BCKDHB: variants seen among roughly 807,000 people sequenced by gnomAD.
BCKDHB encodes the protein 2-oxoisovalerate dehydrogenase subunit beta, mitochondrial.
Under a neutral mutation model 48.5 loss-of-function variants are expected in BCKDHB, and 41 were observed. That is an observed-to-expected ratio of 0.85 (90% confidence interval 0.66 to 1.10). BCKDHB has a LOEUF of 1.10. Among genes scored for constraint, BCKDHB ranks in the 50% least tolerant of loss-of-function variants. The pLI, the probability that BCKDHB is intolerant of heterozygous loss-of-function variation, is 0.00. For missense variants in BCKDHB, 496 were observed against 494.2 expected (o/e 1.00, Z -0.03); for synonymous variants, 201 against 174.8 (o/e 1.15, Z -1.18).
the BCKDHB span, among the ~76,000 whole-genome samples, chr6:80,369,794 A>G: frequency 6.6e-6 from 1 of 152,240 alleles, no homozygotes; most frequent in Non-Finnish European, 1.5e-5. Context: ...TGGAAAGCCA[A>G]CTTAGAACCC....
intron 8 of BCKDHB, among the ~76,000 whole-genome samples, chr6:80,235,791 T>G (rs535304998): frequency 5.3e-5 from 8 of 152,320 alleles, no homozygotes; most frequent in African/African-American, 1.9e-4. Flanking sequence ...TTTGTCATCT[T>G]TGAGTTTTAT....
At chr6:80,126,509 A>G (rs983033668) in intron 1 of BCKDHB, among the ~76,000 whole-genome samples, 3 of 152,110 alleles carry the variant, frequency 2.0e-5, no homozygotes, top group African/African-American at 7.2e-5. Flanking sequence ...AATAGCATGG[A>G]GGTTAGGTGG....
At chr6:80,133,802 C>T (rs757175396) in intron 3 of BCKDHB, among the ~76,000 whole-genome samples, 1 of 152,060 alleles carries the variant, frequency 6.6e-6, no homozygotes, top group Non-Finnish European at 1.5e-5. Flanking sequence ...ACCACCACAC[C>T]TGGCTAATTT....
intron 8 of BCKDHB, among the ~76,000 whole-genome samples, chr6:80,218,300 A>G (rs1233732661): frequency 6.6e-6 from 1 of 152,064 alleles, no homozygotes; most frequent in African/African-American, 2.4e-5. Context: ...TAGTTTTTTT[A>G]TATTCTACCT....
chr6:80,343,913 A>G lies in BCKDHB; in HGVS notation c.*109A>G. ...AGTGTTTTGATGGTAACAAACTTTGATGGTAAAGTTGGTAAAAGGCAACTT... is the reference window on the plus strand; with the variant it reads ...AGTGTTTTGATGGTAACAAACTTTGGTGGTAAAGTTGGTAAAAGGCAACTT... On this transcript the variant is annotated 3_prime_UTR_variant, in exon 10 of 10. Coordinates refer to ENST00000320393, the MANE Select transcript of BCKDHB (RefSeq NM_183050.4). 1 of 1,446,842 alleles carries G rather than the reference A, an allele frequency of 6.9e-7. No individual in the cohort carries two copies. The highest frequency in any genetic ancestry group is 9.7e-7 in the Non-Finnish European group (1 of 1,032,892). The allele number at this position is 1,446,842 out of a possible 1,614,324, so 89.6% of individuals were successfully genotyped here. A position where few individuals can be genotyped will look rare whatever the true frequency, so the allele number is the denominator to read the frequency against.
chr6:80,428,862 G>A, the BCKDHB span, among the ~76,000 whole-genome samples: 3 of 152,284 alleles, frequency 2.0e-5, 1 homozygote, highest in African/African-American at 7.2e-5. Flanking sequence ...CTGTGCAGAA[G>A]CTCATTAGTT....
At chr6:80,168,549 G>C in intron 4 of BCKDHB, among the ~76,000 whole-genome samples, 1 of 139,662 alleles carries the variant, frequency 7.2e-6, no homozygotes, top group African/African-American at 2.8e-5. Context: ...AAGGAAGGGA[G>C]GGAGGGAGGA....
At chr6:80,273,365 AT>A (rs931831898) in intron 9 of BCKDHB, 144 bp downstream of exon 9, 17 of 643,750 alleles carry the variant, frequency 2.6e-5, no homozygotes, top group African/African-American at 3.7e-5. Context: ...TGATAAGTAA[AT>A]TTTTTTTCAT....
At chr6:80,259,306 A>T (rs1490395483) in intron 8 of BCKDHB, among the ~76,000 whole-genome samples, 1 of 152,204 alleles carries the variant, frequency 6.6e-6, no homozygotes, top group Non-Finnish European at 1.5e-5. Context: ...AGTGTCACTG[A>T]TGCAGTCAGT....
the BCKDHB span, among the ~76,000 whole-genome samples, chr6:80,363,472 T>C: frequency 2.6e-5 from 4 of 152,236 alleles, no homozygotes; most frequent in African/African-American, 9.6e-5. Context: ...TGTCAAAGTC[T>C]GAAATCCTAT....
chr6:80,435,799 C>T, the BCKDHB span, among the ~76,000 whole-genome samples: 4 of 152,042 alleles, frequency 2.6e-5, no homozygotes, highest in Admixed American at 6.5e-5. Flanking sequence ...TTTGGAAGGC[C>T]GAGGTGGGTG....
rs1185478827 is a variant in BCKDHB at position 80,344,509 on chromosome 6, C to T, written c.*705C>T. 1 of 152,404 alleles carries T rather than the reference C, an allele frequency of 6.6e-6. No homozygotes were observed. The highest frequency in any genetic ancestry group is 1.5e-5 in the Non-Finnish European group (1 of 68,412). 9.4% of individuals were successfully genotyped at this position (152,404 alleles called of 1,614,324 possible). ...TACAGGTGTGCACCAACATGCCCAG[C>T]TAATTTTTTATATTTTTAGTAGAGA... is the stretch of plus-strand genomic sequence containing the variant. On this transcript the variant is annotated 3_prime_UTR_variant, in exon 10 of 10. Coordinates refer to ENST00000320393, the MANE Select transcript of BCKDHB (RefSeq NM_183050.4).
Position 80,332,687 on chromosome 6 carries a change from A to AT in BCKDHB, c.1039-10969dup, listed in dbSNP as rs1480833955. 4.3e-4 allele frequency among the ~76,000 whole-genome samples: 58 copies of AT among 134,670 alleles called. 1 individual carries two copies. Among genetic ancestry groups the AT allele is most frequent in the Non-Finnish European group, 1.4e-4 (9 of 63,836 alleles). 88.3% of individuals were successfully genotyped at this position (134,670 alleles called of 152,430 possible). A position where few individuals can be genotyped will look rare whatever the true frequency, so the allele number is the denominator to read the frequency against. On this transcript the variant is annotated intron_variant, in intron 9 of 9. Transcript: ENST00000320393. ...AATTTATTGATGAAGCACTCTGATG[A>AT]TTTTTTTTACCCTTATAGTAAAAAA...
At chr6:80,268,036 T>A (rs1192159032) in intron 8 of BCKDHB, among the ~76,000 whole-genome samples, 1 of 152,078 alleles carries the variant, frequency 6.6e-6, no homozygotes, top group Non-Finnish European at 1.5e-5. Flanking sequence ...CAGGACTGTT[T>A]TTTTGTTGTT....
the BCKDHB span, among the ~76,000 whole-genome samples, chr6:80,399,820 C>T: frequency 2.0e-5 from 3 of 151,428 alleles, no homozygotes; most frequent in Non-Finnish European, 4.4e-5. Flanking sequence ...AAGCTGGAGG[C>T]ATCATGCAAC....
chr6:80,226,620 C>T (rs1775689387), intron 8 of BCKDHB, among the ~76,000 whole-genome samples: 1 of 152,198 alleles, frequency 6.6e-6, no homozygotes. Flanking sequence ...CCAATTGTGT[C>T]TCTAAATTCA....
the BCKDHB span, chr6:80,374,671 G>A: frequency 2.3e-6 from 1 of 428,666 alleles, no homozygotes; most frequent in African/African-American, 2.0e-5. Flanking sequence ...GAGATTTGAG[G>A]TACTATTCTA....
intron 2 of BCKDHB, among the ~76,000 whole-genome samples, chr6:80,128,354 C>T (rs959147554): frequency 4.6e-5 from 7 of 151,826 alleles, no homozygotes; most frequent in African/African-American, 9.7e-5. Flanking sequence ...ATGCTACTTG[C>T]GGATGATTGA....
At chr6:80,128,260 T>A (rs1005809394) in intron 2 of BCKDHB, among the ~76,000 whole-genome samples, 11 of 152,066 alleles carry the variant, frequency 7.2e-5, no homozygotes, top group Admixed American at 5.2e-4. Context: ...AATCTGTAGT[T>A]TTAAGGTTAA....
Sources: gnomAD v4.1 joint callset for allele counts (sites outside exome capture counted in the v4.1 genomes callset) on GRCh38, gnomAD v4.1.1 for gene constraint, MANE v1.5 for transcripts, NCBI Gene and HGNC (gene_info 2026-07-23, HGNC 2026-07-21) for gene names.